The following SMARCA5 variants were observed in gnomAD, a reference collection of about 807,000 sequenced individuals.
The protein encoded by SMARCA5 is SWI/SNF-related matrix-associated actin-dependent regulator of chromatin subfamily A member 5.
In SMARCA5, 18 loss-of-function variants were observed where a neutral mutation model predicts 140.4. That is an observed-to-expected ratio of 0.13 (90% confidence interval 0.09 to 0.19). The LOEUF (loss-of-function observed/expected upper bound fraction) is 0.19. SMARCA5 is among the 10% of genes least tolerant of loss of function. The pLI, the probability that SMARCA5 is intolerant of heterozygous loss-of-function variation, is 1.00. For synonymous variants in SMARCA5, 449 were observed against 419.6 expected, an observed-to-expected ratio of 1.07 and a Z score of -0.86; for missense variants, 606 against 1,276.8, an observed-to-expected ratio of 0.47 and a Z score of 8.01.
chr4:143,520,905 C>T (rs772179285), intron 2 of SMARCA5, among the ~76,000 whole-genome samples: 33 of 152,160 alleles, frequency 2.2e-4, no homozygotes, highest in Non-Finnish European at 3.2e-4. Flanking sequence ...ATCCCAATAC[C>T]GTTTTAAAAT....
In SMARCA5 at chr4:143,525,564, A is replaced by C. The variant is rs1182532806; in HGVS notation, c.621+13A>C. On this transcript the variant is annotated intron_variant, in intron 5 of 23. Coordinates refer to ENST00000283131, the MANE Select transcript of SMARCA5 (RefSeq NM_003601.4). ...TGCAGATGAAATGGTATGTGTTGGTAGTTTTTTTTGAAGGGTATGTTTTGT... is the reference window on the plus strand; with the variant it reads ...TGCAGATGAAATGGTATGTGTTGGTCGTTTTTTTTGAAGGGTATGTTTTGT... The C allele has an allele frequency of 6.5e-7, 1 of 1,546,602 alleles. No homozygotes were observed. Among genetic ancestry groups the C allele is most frequent in the Non-Finnish European group, 8.9e-7 (1 of 1,118,724 alleles).
chr4:143,537,447 T>C (rs1411123899), intron 11 of SMARCA5, among the ~76,000 whole-genome samples: 1 of 152,194 alleles, frequency 6.6e-6, no homozygotes, highest in Non-Finnish European at 1.5e-5. Flanking sequence ...CAAAAGCATG[T>C]TGTAAGAGTT....
chr4:143,541,838 C>T (rs1291271035), intron 14 of SMARCA5, among the ~76,000 whole-genome samples: 1 of 151,952 alleles, frequency 6.6e-6, no homozygotes, highest in Non-Finnish European at 1.5e-5. Context: ...TTCTTGTTCT[C>T]AGTTATTTTC....
intron 14 of SMARCA5, among the ~76,000 whole-genome samples, chr4:143,543,167 C>G (rs924793315): frequency 2.6e-5 from 4 of 152,140 alleles, no homozygotes; most frequent in African/African-American, 9.7e-5. Flanking sequence ...TTCTGCTCAT[C>G]AGAAACTTGT....
chr4:143,521,684 A>T, intron 3 of SMARCA5, 89 bp downstream of exon 3: 2 of 1,174,050 alleles, frequency 1.7e-6, no homozygotes, highest in Non-Finnish European at 2.4e-6. Flanking sequence ...TAAATAACTT[A>T]AAATTATTTT....
intron 13 of SMARCA5, 28 bp downstream of exon 13, chr4:143,538,966 G>T (rs866130865): frequency 6.3e-7 from 1 of 1,597,070 alleles, no homozygotes. Context: ...AATATATTCT[G>T]TGCTTAGTAG....
At chr4:143,541,860 A>G (rs1169076061) in intron 14 of SMARCA5, among the ~76,000 whole-genome samples, 3 of 148,086 alleles carry the variant, frequency 2.0e-5, no homozygotes, top group Admixed American at 1.3e-4. Context: ...TCCATGAAAC[A>G]CTTTTTTTTT....
rs145660901 is a variant in SMARCA5 at position 143,540,422 on chromosome 4, T to A, written c.1830T>A (p.Asp610Glu). Residue 610 changes from aspartate to glutamate, a missense_variant, in exon 14 of 24, where the codon GAT becomes GAA. Around this residue, in one of 10 missense-constraint regions of SMARCA5, gnomAD observed 62 missense variants for 256.6 expected, o/e 0.24. Coordinates refer to ENST00000283131, the MANE Select transcript of SMARCA5 (RefSeq NM_003601.4). ...TCAGAGTGTTCCGCTTTATAACTGA[T>A]AACACTGTAGAAGAAAGAATAGTAG... ...KTVRVFRFITDNTVEERIVER... is the reference protein window; with the variant it reads ...KTVRVFRFITENTVEERIVER... 1.9e-6 allele frequency: 3 copies of A among 1,612,200 alleles called. No homozygotes were observed. In the African/African-American group the frequency reaches 4.0e-5, roughly 22 times the overall value.
intron 2 of SMARCA5, among the ~76,000 whole-genome samples, chr4:143,520,801 T>G (rs963889051): frequency 6.6e-6 from 1 of 152,164 alleles, no homozygotes; most frequent in Non-Finnish European, 1.5e-5. Flanking sequence ...TTAAGGTTTT[T>G]TTTGCCCAAG....
chr4:143,520,561 C>T (rs1359079728), intron 2 of SMARCA5, among the ~76,000 whole-genome samples: 1 of 152,202 alleles, frequency 6.6e-6, no homozygotes, highest in Non-Finnish European at 1.5e-5. Flanking sequence ...AACATTATGG[C>T]ATTTGGATAC....
At chr4:143,548,885 G>GAT (rs1737581846) in intron 22 of SMARCA5, among the ~76,000 whole-genome samples, 1 of 152,052 alleles carries the variant, frequency 6.6e-6, no homozygotes, top group Non-Finnish European at 1.5e-5. Flanking sequence ...TAAGACAGTG[G>GAT]ATAGTAAGCA....
In SMARCA5 at chr4:143,555,948, G is replaced by T. The variant is rs996224252; in HGVS notation, c.*2764G>T. On this transcript the variant is annotated 3_prime_UTR_variant, in exon 24 of 24. Transcript: ENST00000283131. ...GTAAGCCTACATTCCAAAGTGCTGGGATCATAGTTGTGAGCCTACACCACA... is the reference window on the plus strand; with the variant it reads ...GTAAGCCTACATTCCAAAGTGCTGGTATCATAGTTGTGAGCCTACACCACA... The T allele has an allele frequency of 6.6e-6, 1 of 152,300 alleles. No individual in the cohort carries two copies. The highest frequency in any genetic ancestry group is 2.4e-5 in the African/African-American group (1 of 41,418). The allele number at this position is 152,300 out of a possible 1,614,324, so 9.4% of individuals were successfully genotyped here.
In SMARCA5 at chr4:143,537,279, C is replaced by T. The variant is rs531738259; in HGVS notation, c.1495+601C>T. On this transcript the variant is annotated intron_variant, in intron 11 of 23. Transcript: ENST00000283131. ...CCTCCCAGATTATTCGAAGCAAACG[C>T]CAGACACTATAGCCTTTCATAAATT... 3.9e-5 allele frequency among the ~76,000 whole-genome samples: 6 copies of T among 152,258 alleles called. No individual in the cohort carries two copies. In the East Asian group the frequency reaches 1.2e-3, roughly 29 times the overall value.
rs756425418 is a variant in SMARCA5 at position 143,516,301 on chromosome 4, A to G, written c.178-1054A>G. Among the ~76,000 whole-genome samples, 5 of 150,774 alleles carry G rather than the reference A, an allele frequency of 3.3e-5. No individual in the cohort carries two copies. The East Asian group carries it at 9.8e-4, about 29-fold the overall frequency. Reference sequence around the variant, plus strand: ...CTTTTTTTCTTTTTGCTTGATACTAATAGGTCAATGGAGCACTTGTTTTTT... The same window carrying G: ...CTTTTTTTCTTTTTGCTTGATACTAGTAGGTCAATGGAGCACTTGTTTTTT... On this transcript the variant is annotated intron_variant, in intron 1 of 23. Coordinates refer to ENST00000283131, the MANE Select transcript of SMARCA5 (RefSeq NM_003601.4).
rs988880150 is a variant in SMARCA5 at position 143,517,352 on chromosome 4, C to T, written c.178-3C>T. On this transcript the variant is annotated splice_region_variant and splice_polypyrimidine_tract_variant and intron_variant, in intron 1 of 23. Coordinates refer to ENST00000283131, the MANE Select transcript of SMARCA5 (RefSeq NM_003601.4). Reference sequence around the variant, plus strand: ...ATTCTATTTAATTATTTCTTTCTACCAGGAAATATTTGATGATGCGTCACC... The same window carrying T: ...ATTCTATTTAATTATTTCTTTCTACTAGGAAATATTTGATGATGCGTCACC... 41 of 1,598,592 alleles carry T rather than the reference C, an allele frequency of 2.6e-5. No homozygotes were observed. The highest frequency in any genetic ancestry group is 3.2e-5 in the Non-Finnish European group (37 of 1,171,182).
chr4:143,535,102 CGTA>C, intron 10 of SMARCA5, 138 bp downstream of exon 10: 1 of 601,050 alleles, frequency 1.7e-6, no homozygotes, highest in Non-Finnish European at 2.8e-6. Flanking sequence ...TTTCTTGTCA[CGTA>C]GTATAGGACT....
Position 143,517,693 on chromosome 4 carries a change from A to C in SMARCA5, c.252+264A>C, listed in dbSNP as rs1430572404. Among the ~76,000 whole-genome samples, 4 of 152,192 alleles carry C rather than the reference A, an allele frequency of 2.6e-5. No homozygotes were observed. The South Asian group carries it at 8.3e-4, about 31-fold the overall frequency. On this transcript the variant is annotated intron_variant, in intron 2 of 23. Coordinates refer to ENST00000283131, the MANE Select transcript of SMARCA5 (RefSeq NM_003601.4). ...GCAAGACAGGACTGAACTTTCTTTTATAACAAGCTCACTGGTGATAACCTC... is the reference window on the plus strand; with the variant it reads ...GCAAGACAGGACTGAACTTTCTTTTCTAACAAGCTCACTGGTGATAACCTC...
chr4:143,542,183 A>C (rs1328890611), intron 14 of SMARCA5, among the ~76,000 whole-genome samples: 1 of 152,176 alleles, frequency 6.6e-6, no homozygotes, highest in Non-Finnish European at 1.5e-5. Context: ...AAAGATAAAA[A>C]AGACCTTAAT....
chr4:143,536,684 G>T lies in SMARCA5; in HGVS notation c.1495+6G>T, dbSNP rs1012463645. 6.3e-7 allele frequency: 1 copy of T among 1,584,114 alleles called. No homozygotes were observed. The highest frequency in any genetic ancestry group is 8.7e-7 in the Non-Finnish European group (1 of 1,153,972). ...CCCTAAGTTAAAAGAACAAGGTATC[G>T]GTTACCCGTATCAAATTATCAAAAC... On this transcript the variant is annotated splice_donor_region_variant and intron_variant, in intron 11 of 23. Transcript: ENST00000283131.
Sources: gnomAD v4.1 joint callset for allele counts (sites outside exome capture counted in the v4.1 genomes callset) on GRCh38, gnomAD v4.1.1 for gene constraint, gnomAD v4.1.1 regional missense constraint, MANE v1.5 for transcripts, NCBI Gene and HGNC (gene_info 2026-07-23, HGNC 2026-07-21) for gene names.